Variants in CABLES1 observed in about 807,000 individuals in gnomAD.
The protein encoded by CABLES1 is CDK5 and ABL1 enzyme substrate 1.
A neutral mutation model predicts 57.8 loss-of-function variants in CABLES1; 36 were observed. That is an observed-to-expected ratio of 0.62 (90% CI 0.48 to 0.82). The LOEUF is 0.82. Among genes scored for constraint, CABLES1 ranks in the 40% least tolerant of loss-of-function variants. The pLI, the probability that CABLES1 is intolerant of heterozygous loss-of-function variation, is 0.00. For synonymous variants in CABLES1, 374 were observed against 363.0 expected (o/e 1.03, Z -0.35); for missense variants, 767 against 836.6 (o/e 0.92, Z 1.03).
Position 23,258,132 on chromosome 18 carries a change from A to ATGAG in CABLES1, c.*767_*770dup, listed in dbSNP as rs1243024431. On this transcript the variant is annotated 3_prime_UTR_variant, in exon 10 of 10. Coordinates refer to ENST00000256925, the MANE Select transcript of CABLES1 (RefSeq NM_001100619.3). ...AAAGAAGGCGAGTTCTGAGTGTTGG[A>ATGAG]TGAGTCAGTCGCGTGGAAGGACGTG... 1 of 152,382 alleles carries ATGAG rather than the reference A, an allele frequency of 6.6e-6. No individual in the cohort carries two copies. The allele number at this position is 152,382 out of a possible 1,614,324, so 9.4% of individuals were successfully genotyped here. A position where few individuals can be genotyped will look rare whatever the true frequency, so the allele number is the denominator to read the frequency against.
At chr18:23,180,887 C>T (rs937111487) in intron 1 of CABLES1, among the ~76,000 whole-genome samples, 3 of 152,134 alleles carry the variant, frequency 2.0e-5, no homozygotes, top group Non-Finnish European at 2.9e-5. Context: ...GGCTTCCGCC[C>T]AGAAAGTCAG....
chr18:23,173,620 A>T (rs2047099264), intron 1 of CABLES1, among the ~76,000 whole-genome samples: 1 of 152,226 alleles, frequency 6.6e-6, no homozygotes, highest in African/African-American at 2.4e-5. Context: ...ATATCATATA[A>T]ATATTTTAAC....
At chr18:23,144,578 C>T (rs55865842) in intron 1 of CABLES1, among the ~76,000 whole-genome samples, 4,264 of 152,226 alleles carry the variant, frequency 0.028, 206 homozygotes, top group African/African-American at 0.097. Context: ...GTTTTATTTG[C>T]GTGGCAGTCT....
intron 3 of CABLES1, among the ~76,000 whole-genome samples, chr18:23,210,179 T>C (rs1298367664): frequency 6.6e-6 from 1 of 152,172 alleles, no homozygotes; most frequent in Non-Finnish European, 1.5e-5. Context: ...CTCTGGCCGA[T>C]GTTCATGTGG....
chr18:23,235,047 C>A (rs1221047567), intron 5 of CABLES1, among the ~76,000 whole-genome samples: 1 of 152,192 alleles, frequency 6.6e-6, no homozygotes, highest in African/African-American at 2.4e-5. Flanking sequence ...ATTCAGGCTA[C>A]TAGAAAGTGT....
intron 3 of CABLES1, among the ~76,000 whole-genome samples, chr18:23,202,739 C>A (rs1322203497): frequency 1.3e-5 from 2 of 151,874 alleles, no homozygotes; most frequent in Non-Finnish European, 2.9e-5. Context: ...GTAATCCCAG[C>A]ACTTTGGGAG....
In CABLES1 at chr18:23,188,860, T is replaced by G. The variant is rs763393775; in HGVS notation, c.868T>G (p.Ser290Ala). The G allele has an allele frequency of 2.2e-5, 36 of 1,613,934 alleles. No individual in the cohort carries two copies. Among genetic ancestry groups the G allele is most frequent in the Non-Finnish European group, 2.8e-5 (33 of 1,179,942 alleles). ...CAGACGGCGCCTCATCTCCCAGAGATCTTCCTTGGAGACCCTGGAAGATAT... is the reference window on the plus strand; with the variant it reads ...CAGACGGCGCCTCATCTCCCAGAGAGCTTCCTTGGAGACCCTGGAAGATAT... ...RSRRRLISQR[S>A]SLETLEDIEE... The change falls in exon 2 of 10, where the codon TCT becomes GCT. Residue 290 changes from serine to alanine, a missense_variant. This residue lies in a region of CABLES1 where 529 missense variants were observed against 622.8 expected (regional missense o/e 0.85). Coordinates refer to ENST00000256925, the MANE Select transcript of CABLES1 (RefSeq NM_001100619.3).
chr18:23,239,300 A>G (rs2047678598), intron 7 of CABLES1, among the ~76,000 whole-genome samples: 1 of 152,212 alleles, frequency 6.6e-6, no homozygotes, highest in African/African-American at 2.4e-5. Context: ...TGCTTCTGGG[A>G]ATAGTCCATG....
chr18:23,252,861 T>C, intron 7 of CABLES1, 99 bp from the exon 8 acceptor site: 1 of 745,228 alleles, frequency 1.3e-6, no homozygotes, highest in Non-Finnish European at 2.3e-6. Context: ...TTCCCGTTGC[T>C]CATGGCTTTG....
At chr18:23,188,560 T>TGTGTGTGTGTGTGTGTGTGTGTGTGTCC (rs2047219167) in intron 1 of CABLES1, among the ~76,000 whole-genome samples, 1 of 152,160 alleles carries the variant, frequency 6.6e-6, no homozygotes, top group South Asian at 2.1e-4. Flanking sequence ...TGTGTGTGTG[T>TGTGTGTGTGTGTGTGTGTGTGTGTGTCC]GTGTGTCCTT....
At chr18:23,252,893 T>C (rs890889521) in intron 7 of CABLES1, 67 bp from the exon 8 acceptor site, 1 of 1,061,624 alleles carries the variant, frequency 9.4e-7, no homozygotes, top group Non-Finnish European at 1.5e-6. Flanking sequence ...TTGGTCGTAG[T>C]TGGTGCATAA....
Position 23,257,533 on chromosome 18 carries a change from T to C in CABLES1, c.*166T>C, listed in dbSNP as rs888412406. 2 of 728,386 alleles carry C rather than the reference T, an allele frequency of 2.7e-6. No homozygotes were observed. The highest frequency in any genetic ancestry group is 1.8e-5 in the African/African-American group (1 of 54,966). The allele number at this position is 728,386 out of a possible 1,614,324, so 45.1% of individuals were successfully genotyped here. A position where few individuals can be genotyped will look rare whatever the true frequency, so the allele number is the denominator to read the frequency against. On this transcript the variant is annotated 3_prime_UTR_variant, in exon 10 of 10. Transcript: ENST00000256925. ...TAGAAACTTTCCAAGGAGTCTTGGG[T>C]GTGTAGCCAAGAGGAGCCATGAGCT...
chr18:23,197,250 A>G (rs1020052561), intron 3 of CABLES1: 4 of 152,282 alleles, frequency 2.6e-5, no homozygotes. Flanking sequence ...GTAGCTGCTT[A>G]GAAATAAACC....
At chr18:23,138,947 A>G (rs2046840406) in intron 1 of CABLES1, among the ~76,000 whole-genome samples, 1 of 152,206 alleles carries the variant, frequency 6.6e-6, no homozygotes, top group African/African-American at 2.4e-5. Context: ...TCCCTACTCC[A>G]GACTACGTGA....
chr18:23,240,557 A>G (rs2047709980), intron 7 of CABLES1, among the ~76,000 whole-genome samples: 1 of 152,234 alleles, frequency 6.6e-6, no homozygotes, highest in South Asian at 2.1e-4. Context: ...TAGTGTGAGG[A>G]TCTCTGCCCA....
At chr18:23,172,715 C>T (rs2144992091) in intron 1 of CABLES1, among the ~76,000 whole-genome samples, 1 of 152,322 alleles carries the variant, frequency 6.6e-6, no homozygotes, top group African/African-American at 2.4e-5. Flanking sequence ...TGAATATTCA[C>T]GTGGCTTTAA....
intron 1 of CABLES1, among the ~76,000 whole-genome samples, chr18:23,172,477 C>T (rs1392607873): frequency 6.6e-6 from 1 of 152,224 alleles, no homozygotes; most frequent in Non-Finnish European, 1.5e-5. Context: ...TAAAGAAGGA[C>T]ACCATTAAAC....
intron 7 of CABLES1, among the ~76,000 whole-genome samples, chr18:23,239,460 TG>T (rs2047682298): frequency 6.6e-6 from 1 of 152,226 alleles, no homozygotes; most frequent in Non-Finnish European, 1.5e-5. Context: ...GACAGTGTGT[TG>T]TGTATTACAA....
At chr18:23,213,511 A>G (rs1280505211) in intron 3 of CABLES1, among the ~76,000 whole-genome samples, 2 of 152,222 alleles carry the variant, frequency 1.3e-5, no homozygotes, top group African/African-American at 2.4e-5. Context: ...TGTTGCCAGC[A>G]GATGAAAAAC....
Sources: allele counts gnomAD v4.1 joint callset (sites outside exome capture counted in the v4.1 genomes callset), GRCh38; gene constraint gnomAD v4.1.1; regional missense constraint gnomAD v4.1.1; transcripts MANE v1.5; gene names NCBI Gene and HGNC (gene_info 2026-07-23, HGNC 2026-07-21).